Variants in ARL6 observed in about 807,000 individuals in gnomAD.
ARL6 encodes the protein ARF like GTPase 6, also known as ADP-ribosylation factor-like protein 6.
Under a neutral mutation model 27.1 loss-of-function variants are expected in ARL6, and 18 were observed. That is an observed-to-expected ratio of 0.66 (90% CI 0.46 to 0.98). ARL6 has a LOEUF of 0.98. Among genes scored for constraint, ARL6 ranks in the 50% least tolerant of loss-of-function variants. The probability of loss-of-function intolerance (pLI) is 0.00; values close to 1 mark genes in which losing one functional copy is unlikely to be tolerated. For missense variants in ARL6, 187 were observed against 214.9 expected (o/e 0.87, Z 0.81); for synonymous variants, 65 against 72.3 (o/e 0.90, Z 0.51).
intron 1 of ARL6, among the ~76,000 whole-genome samples, 198 bp downstream of exon 1, chr3:97,765,175 G>A (rs1414603379): frequency 6.6e-6 from 1 of 151,338 alleles, no homozygotes; most frequent in African/African-American, 2.4e-5. Context: ...TGGTTGATGG[G>A]TTTTAACAAT....
chr3:97,800,739 T>C lies in ARL6; in HGVS notation c.*2690T>C, dbSNP rs564769357. 4 of 152,330 alleles carry C rather than the reference T, an allele frequency of 2.6e-5. No individual in the cohort carries two copies. Among genetic ancestry groups the C allele is most frequent in the African/African-American group, 9.6e-5 (4 of 41,590 alleles). The allele number at this position is 152,330 out of a possible 1,614,324, so 9.4% of individuals were successfully genotyped here. ...AAAGTACCATAGACTGGGTGGCTTA[T>C]AAACGACAGAAATTTATTTCTTACA... is the stretch of plus-strand genomic sequence containing the variant. On this transcript the variant is annotated 3_prime_UTR_variant, in exon 8 of 8. Coordinates refer to ENST00000463745, the MANE Select transcript of ARL6 (RefSeq NM_001278293.3).
chr3:97,792,591 T>C (rs2037794639), intron 7 of ARL6, among the ~76,000 whole-genome samples: 1 of 152,204 alleles, frequency 6.6e-6, no homozygotes, highest in Non-Finnish European at 1.5e-5. Flanking sequence ...TACTGATCTT[T>C]TATTGATATT....
Position 97,768,140 on chromosome 3 carries a change from T to A in ARL6, c.33T>A (p.Leu11=), listed in dbSNP as rs753656245. The A allele has an allele frequency of 2.4e-5, 38 of 1,613,070 alleles. No individual in the cohort carries two copies. Among genetic ancestry groups the A allele is most frequent in the Non-Finnish European group, 3.1e-5 (37 of 1,179,218 alleles). ...TGCTAGACAGACTTTCAGTCTTGCT[T>A]GGCCTGAAGAAGAAGGAGGTTCATG... MGLLDRLSVL[L]GLKKKEVHVL... Residue 11 remains leucine (L), a synonymous_variant, in exon 2 of 8, where the codon CTT becomes CTA. Coordinates refer to ENST00000463745, the MANE Select transcript of ARL6 (RefSeq NM_001278293.3).
chr3:97,768,290 G>A, intron 2 of ARL6, 60 bp downstream of exon 2: 1 of 1,565,864 alleles, frequency 6.4e-7, no homozygotes, highest in South Asian at 1.1e-5. Flanking sequence ...TTAATGTGCA[G>A]AATTATGTTA....
chr3:97,778,108 T>G (rs1310329522), intron 2 of ARL6, among the ~76,000 whole-genome samples: 10 of 152,148 alleles, frequency 6.6e-5, no homozygotes, highest in Non-Finnish European at 1.5e-4. Flanking sequence ...AGCTGATGAT[T>G]TTTTCACAAT....
chr3:97,780,175 T>C lies in ARL6; in HGVS notation c.140T>C (p.Ile47Thr), dbSNP rs757995078. 3 of 1,613,024 alleles carry C rather than the reference T, an allele frequency of 1.9e-6. No homozygotes were observed. Among genetic ancestry groups the C allele is most frequent in the Middle Eastern group, 1.7e-4 (1 of 6,050 alleles). ...CTCTTAAAGGCTCAATCTCAAAATATCCTTCCAACAATAGGATTCAGCATA... is the reference window on the plus strand; with the variant it reads ...CTCTTAAAGGCTCAATCTCAAAATACCCTTCCAACAATAGGATTCAGCATA... ...LKPSNAQSQN[I>T]LPTIGFSIEK... Residue 47 changes from isoleucine (I) to threonine (T), a missense_variant, in exon 3 of 8, where the codon ATC becomes ACC. By Grantham distance (89) the Ile-to-Thr change is moderately conservative. Coordinates refer to ENST00000463745, the MANE Select transcript of ARL6 (RefSeq NM_001278293.3).
chr3:97,790,321 C>T (rs997723269), intron 6 of ARL6, among the ~76,000 whole-genome samples: 1 of 152,064 alleles, frequency 6.6e-6, no homozygotes, highest in African/African-American at 2.4e-5. Flanking sequence ...GAAAAAGCCT[C>T]TTCTTGGATG....
At chr3:97,779,297 C>G (rs1419742746) in intron 2 of ARL6, among the ~76,000 whole-genome samples, 1 of 152,130 alleles carries the variant, frequency 6.6e-6, no homozygotes, top group Non-Finnish European at 1.5e-5. Flanking sequence ...CTGGACTGTT[C>G]TTTGTCAATA....
intron 4 of ARL6, among the ~76,000 whole-genome samples, chr3:97,782,033 C>A (rs2037224716): frequency 6.6e-6 from 1 of 151,600 alleles, no homozygotes; most frequent in Non-Finnish European, 1.5e-5. Flanking sequence ...AATCGTAGGT[C>A]CAGAAGACTT....
chr3:97,774,686 C>T (rs941283158), intron 2 of ARL6, among the ~76,000 whole-genome samples: 2 of 152,078 alleles, frequency 1.3e-5, no homozygotes, highest in African/African-American at 2.4e-5. Flanking sequence ...AGGTACCTGG[C>T]GAGGCTGTGC....
At chr3:97,785,927 T>C (rs1003411637) in intron 5 of ARL6, among the ~76,000 whole-genome samples, 2 of 152,228 alleles carry the variant, frequency 1.3e-5, no homozygotes, top group Non-Finnish European at 2.9e-5. Context: ...TGTGGGGCTT[T>C]CTAATAAATG....
rs750115219 is a variant in ARL6, at chr3:97,785,035, T to C, written c.335T>C (p.Leu112Pro). 6.2e-7 allele frequency: 1 copy of C among 1,612,294 alleles called. No individual in the cohort carries two copies. The highest frequency in any genetic ancestry group is 2.2e-5 in the East Asian group (1 of 44,702). ...GTGGCCAAAGAAGAACTCGATACTC[T>C]TCTGAATCATCCAGGTATGTGTGTG... ...MVVAKEELDT[L>P]LNHPDIKHRR... is the part of the protein sequence containing the mutation. Residue 112 changes from leucine (L) to proline (P), a missense_variant, in exon 5 of 8, where the codon CTT (leucine) becomes CCT (proline). Coordinates refer to ENST00000463745, the MANE Select transcript of ARL6 (RefSeq NM_001278293.3).
chr3:97,768,358 T>A (rs1437502361), intron 2 of ARL6, 128 bp downstream of exon 2: 16 of 918,638 alleles, frequency 1.7e-5, no homozygotes, highest in Admixed American at 4.8e-5. Flanking sequence ...TTTCAGTACC[T>A]TTAAGTATCC....
intron 5 of ARL6, 98 bp downstream of exon 5, chr3:97,785,147 C>T (rs1385258257): frequency 1.1e-6 from 1 of 902,736 alleles, no homozygotes; most frequent in African/African-American, 1.7e-5. Context: ...AATTATCTTT[C>T]ATTTAAAATT....
chr3:97,765,554 G>C (rs2036340151), intron 1 of ARL6, among the ~76,000 whole-genome samples: 1 of 152,136 alleles, frequency 6.6e-6, no homozygotes, highest in African/African-American at 2.4e-5. Flanking sequence ...AGTAAGATAA[G>C]AAACAAGAAA....
chr3:97,790,090 T>C (rs113788671), intron 6 of ARL6, among the ~76,000 whole-genome samples: 12 of 150,046 alleles, frequency 8.0e-5, no homozygotes, highest in African/African-American at 2.7e-4. Context: ...TGTGTGTGTG[T>C]GCATGTTGTG....
intron 5 of ARL6, among the ~76,000 whole-genome samples, chr3:97,787,355 A>G (rs985176674): frequency 6.6e-6 from 1 of 152,112 alleles, no homozygotes; most frequent in Non-Finnish European, 1.5e-5. Flanking sequence ...TATGTTTGCA[A>G]ATACATAAAA....
chr3:97,794,529 T>G (rs1012221823), intron 7 of ARL6, among the ~76,000 whole-genome samples: 1 of 152,082 alleles, frequency 6.6e-6, no homozygotes, highest in African/African-American at 2.4e-5. Context: ...GGTTATATTT[T>G]CTGTGTAATA....
intron 2 of ARL6, among the ~76,000 whole-genome samples, chr3:97,769,598 A>G (rs1466674794): frequency 2.0e-5 from 3 of 152,060 alleles, no homozygotes; most frequent in Non-Finnish European, 4.4e-5. Context: ...ATTGTTGACT[A>G]TAGTCACTCT....
Sources: allele counts gnomAD v4.1 joint callset (sites outside exome capture counted in the v4.1 genomes callset), GRCh38; gene constraint gnomAD v4.1.1; transcripts MANE v1.5; gene names NCBI Gene and HGNC (gene_info 2026-07-23, HGNC 2026-07-21).